GJB7: variants seen among roughly 807,000 people sequenced by gnomAD.
GJB7 encodes the protein gap junction protein beta 7, also known as gap junction beta-7 protein.
For missense variants in GJB7, 253 were observed against 256.8 expected, an observed-to-expected ratio of 0.99 and a Z score of 0.10; for synonymous variants, 87 against 95.2, an observed-to-expected ratio of 0.91 and a Z score of 0.50.
At position 87,283,555 on chromosome 6, in the gene GJB7, G is replaced by A. The variant is rs927621944; in HGVS notation, c.*686C>T. The A allele has an allele frequency of 6.6e-6, 1 of 152,298 alleles. No homozygotes were observed. Among genetic ancestry groups the A allele is most frequent in the African/African-American group, 2.4e-5 (1 of 41,444 alleles). The allele number at this position is 152,298 out of a possible 1,614,324, so 9.4% of individuals were successfully genotyped here. On this transcript the variant is annotated 3_prime_UTR_variant, in exon 3 of 3. Coordinates refer to ENST00000525899, the MANE Select transcript of GJB7 (RefSeq NM_198568.3). ...CCAAGGATCCCTGAATCGGCAAGAG[G>A]CCTGGGCTCTGTGGCCTTTTCCCTA...
intron 2 of GJB7, among the ~76,000 whole-genome samples, chr6:87,296,680 G>A (rs1045300768): frequency 1.3e-5 from 2 of 152,176 alleles, no homozygotes; most frequent in Non-Finnish European, 2.9e-5. Context: ...AGACTTGGAG[G>A]GAAAGAGAGA....
At chr6:87,297,906 T>G (rs1003790268) in intron 2 of GJB7, among the ~76,000 whole-genome samples, 3 of 152,230 alleles carry the variant, frequency 2.0e-5, no homozygotes, top group Non-Finnish European at 4.4e-5. Context: ...CATCTTTCTC[T>G]TTGGTTTTCT....
Position 87,321,918 on chromosome 6 carries a change from C to T in GJB7, c.-28+948G>A, listed in dbSNP as rs563725208. 3.3e-5 allele frequency among the ~76,000 whole-genome samples: 5 copies of T among 152,282 alleles called. No homozygotes were observed. In the South Asian group the frequency reaches 1.0e-3, roughly 32 times the overall value. On this transcript the variant is annotated intron_variant, in intron 2 of 2. Coordinates refer to ENST00000525899, the MANE Select transcript of GJB7 (RefSeq NM_198568.3). Reference sequence around the variant, plus strand: ...AACAAACATCTTCTGAGAACTCCATCATGGGAATGGCAAGGGGGAAGTCGG... The same window carrying T: ...AACAAACATCTTCTGAGAACTCCATTATGGGAATGGCAAGGGGGAAGTCGG...
intron 1 of GJB7, among the ~76,000 whole-genome samples, chr6:87,328,631 T>G (rs1776904094): frequency 6.6e-6 from 1 of 152,338 alleles, no homozygotes; most frequent in South Asian, 2.1e-4. Flanking sequence ...AGCTGCGTGC[T>G]GGGAGAACCA....
intron 2 of GJB7, among the ~76,000 whole-genome samples, chr6:87,307,529 G>GA (rs1301511157): frequency 1.3e-5 from 2 of 151,926 alleles, no homozygotes; most frequent in East Asian, 1.9e-4. Context: ...AAATTTACAA[G>GA]AAAAAAACAA....
At chr6:87,288,482 C>T (rs1776106821) in intron 2 of GJB7, among the ~76,000 whole-genome samples, 1 of 152,300 alleles carries the variant, frequency 6.6e-6, no homozygotes, top group East Asian at 1.9e-4. Flanking sequence ...ATGTCAATGA[C>T]TCCCAAATTA....
At chr6:87,288,317 T>C (rs1776099666) in intron 2 of GJB7, among the ~76,000 whole-genome samples, 1 of 152,208 alleles carries the variant, frequency 6.6e-6, no homozygotes, top group Admixed American at 6.5e-5. Context: ...GACCTATCAC[T>C]CTTTCATATG....
intron 2 of GJB7, among the ~76,000 whole-genome samples, chr6:87,285,173 A>G (rs1224712535): frequency 2.0e-5 from 3 of 152,288 alleles, no homozygotes; most frequent in Admixed American, 6.5e-5. Flanking sequence ...TTGGTTGGTC[A>G]TCTACCCCAC....
Position 87,314,756 on chromosome 6 carries a change from A to G in GJB7, c.-28+8110T>C, listed in dbSNP as rs148002384. Among the ~76,000 whole-genome samples, 1,208 of 152,248 alleles carry G rather than the reference A, an allele frequency of 7.9e-3. 23 individuals are homozygous for G. The highest frequency in any genetic ancestry group is 0.027 in the African/African-American group (1,104 of 41,538). ...CCCTAGTCTACTCAACATTCTTTCA[A>G]TTAATATTTCTGGAACTCTTTAATA... On this transcript the variant is annotated intron_variant, in intron 2 of 2. Coordinates refer to ENST00000525899, the MANE Select transcript of GJB7 (RefSeq NM_198568.3).
At chr6:87,307,039 G>C (rs1444549125) in intron 2 of GJB7, among the ~76,000 whole-genome samples, 2 of 152,074 alleles carry the variant, frequency 1.3e-5, no homozygotes, top group Admixed American at 6.5e-5. Flanking sequence ...TGGGGAGAGT[G>C]GGGAGGGATA....
At chr6:87,302,788 G>A (rs1223930345) in intron 2 of GJB7, among the ~76,000 whole-genome samples, 1 of 152,176 alleles carries the variant, frequency 6.6e-6, no homozygotes, top group Non-Finnish European at 1.5e-5. Flanking sequence ...GAAAGGTTGG[G>A]TTACCTACAA....
chr6:87,312,511 CAA>C (rs58594492), intron 2 of GJB7, among the ~76,000 whole-genome samples: 1 of 68,348 alleles, frequency 1.5e-5, no homozygotes. Context: ...ACTCTGTCTA[CAA>C]AAAAAAAAAC....
intron 2 of GJB7, among the ~76,000 whole-genome samples, chr6:87,297,970 G>C (rs542591432): frequency 1.6e-3 from 241 of 152,320 alleles, no homozygotes; most frequent in African/African-American, 5.5e-3. Context: ...GAGATAAAGA[G>C]TGTTTGAACA....
chr6:87,285,526 T>C (rs6921007), intron 2 of GJB7, among the ~76,000 whole-genome samples: 80,880 of 151,926 alleles, frequency 0.53, 21,882 homozygotes, highest in Admixed American at 0.62. Context: ...ACTCTGCTCC[T>C]TCACCCTCCA....
At chr6:87,324,159 A>T (rs971889983) in intron 1 of GJB7, among the ~76,000 whole-genome samples, 15 of 152,124 alleles carry the variant, frequency 9.9e-5, no homozygotes, top group African/African-American at 3.6e-4. Context: ...AGTTGATTGT[A>T]GATTCTGGAT....
intron 2 of GJB7, among the ~76,000 whole-genome samples, chr6:87,321,387 C>T (rs1776658367): frequency 6.6e-6 from 1 of 152,196 alleles, no homozygotes; most frequent in East Asian, 1.9e-4. Context: ...CTATGTGTCA[C>T]GTGATGTTAT....
intron 2 of GJB7, among the ~76,000 whole-genome samples, chr6:87,315,795 C>CAAAAAAAAAA (rs1161194601): frequency 4.1e-5 from 3 of 72,348 alleles, no homozygotes; most frequent in African/African-American, 1.3e-4. Context: ...GACTCTATCT[C>CAAAAAAAAAA]AAAAAAAAAA....
At chr6:87,288,059 C>T (rs796196025) in intron 2 of GJB7, among the ~76,000 whole-genome samples, 2 of 152,044 alleles carry the variant, frequency 1.3e-5, no homozygotes, top group Non-Finnish European at 2.9e-5. Context: ...CCCACCACCA[C>T]GGCTGGCTAA....
chr6:87,290,555 A>T, intron 2 of GJB7, among the ~76,000 whole-genome samples: 1 of 151,184 alleles, frequency 6.6e-6, no homozygotes, highest in East Asian at 1.9e-4. Flanking sequence ...AGAAGTTTAT[A>T]TGTACGTTCA....
Sources: allele counts gnomAD v4.1 joint callset (sites outside exome capture counted in the v4.1 genomes callset), GRCh38; gene constraint gnomAD v4.1.1; transcripts MANE v1.5; gene names NCBI Gene and HGNC (gene_info 2026-07-23, HGNC 2026-07-21).